The following TMEM132D variants were observed in gnomAD, a reference collection of about 807,000 sequenced individuals.
TMEM132D encodes the protein transmembrane protein 132D.
A neutral mutation model predicts 62.3 loss-of-function variants in TMEM132D; 21 were observed. That is an observed-to-expected ratio of 0.34 (90% confidence interval 0.24 to 0.49). TMEM132D has a LOEUF of 0.49. TMEM132D is among the 20% of genes least tolerant of loss of function. TMEM132D has a pLI of 0.99. For synonymous variants in TMEM132D, 621 were observed against 575.6 expected, an observed-to-expected ratio of 1.08 and a Z score of -1.13; for missense variants, 1,346 against 1,402.8, an observed-to-expected ratio of 0.96 and a Z score of 0.65.
chr12:129,261,990 G>C (rs1254974382), intron 4 of TMEM132D, among the ~76,000 whole-genome samples: 1 of 152,132 alleles, frequency 6.6e-6, no homozygotes, highest in Admixed American at 6.5e-5. Flanking sequence ...TCAGGAGAGA[G>C]GGAGAAATGT....
At chr12:129,575,146 T>A (rs981275842) in intron 2 of TMEM132D, among the ~76,000 whole-genome samples, 3 of 151,862 alleles carry the variant, frequency 2.0e-5, no homozygotes, top group Admixed American at 2.0e-4. Flanking sequence ...AGACCCTTTC[T>A]TATGATTTTC....
chr12:129,293,593 G>A (rs1229517972), intron 4 of TMEM132D, among the ~76,000 whole-genome samples: 4 of 152,096 alleles, frequency 2.6e-5, no homozygotes, highest in Non-Finnish European at 4.4e-5. Context: ...TGGGAGCCCT[G>A]AGCTTGTTTT....
chr12:129,305,378 GAGT>G (rs1439712792), intron 4 of TMEM132D, among the ~76,000 whole-genome samples: 6 of 152,138 alleles, frequency 3.9e-5, no homozygotes, highest in African/African-American at 1.4e-4. Flanking sequence ...GAGTTTCAGG[GAGT>G]CTAAGTGCCA....
chr12:129,273,779 G>A (rs1247130816), intron 4 of TMEM132D, among the ~76,000 whole-genome samples: 1 of 151,694 alleles, frequency 6.6e-6, no homozygotes, highest in East Asian at 1.9e-4. Flanking sequence ...TGGGGAGGTA[G>A]GGAGGAAAAA....
chr12:129,513,804 T>TTTTTATTTATTTA (rs1555262101), intron 3 of TMEM132D, among the ~76,000 whole-genome samples: 1 of 133,992 alleles, frequency 7.5e-6, no homozygotes, highest in African/African-American at 2.8e-5. Context: ...CAATTTTTAT[T>TTTTTATTTATTTA]TTTATTTATT....
In TMEM132D at chr12:129,325,275, G is replaced by T. The variant is rs77587378; in HGVS notation, c.1299+12359C>A. 9.6e-3 allele frequency among the ~76,000 whole-genome samples: 1,464 copies of T among 152,300 alleles called. 13 individuals are homozygous for T. The highest frequency in any genetic ancestry group is 0.016 in the Non-Finnish European group (1,061 of 68,032). ...GCTGGACAGAAACAAGGTTTGTTAG[G>T]TGCAAAGAAATACCATGGAGAAAAG... On this transcript the variant is annotated intron_variant, in intron 4 of 8. Coordinates refer to ENST00000422113, the MANE Select transcript of TMEM132D (RefSeq NM_133448.3).
At chr12:129,308,790 A>G (rs1464164291) in intron 4 of TMEM132D, among the ~76,000 whole-genome samples, 1 of 152,236 alleles carries the variant, frequency 6.6e-6, no homozygotes, top group African/African-American at 2.4e-5. Context: ...TCTTAGATAT[A>G]CACTTATAGA....
chr12:129,666,703 G>T (rs1458652881), intron 2 of TMEM132D, among the ~76,000 whole-genome samples: 2 of 152,142 alleles, frequency 1.3e-5, no homozygotes, highest in Non-Finnish European at 2.9e-5. Flanking sequence ...GATGTCCTAG[G>T]CTCCACCCCA....
chr12:129,525,576 T>G (rs1020362384), intron 3 of TMEM132D, among the ~76,000 whole-genome samples: 1 of 152,150 alleles, frequency 6.6e-6, no homozygotes, highest in African/African-American at 2.4e-5. Context: ...AGAGATGGGT[T>G]TCTTTTAATG....
intron 1 of TMEM132D, among the ~76,000 whole-genome samples, chr12:129,790,987 G>T (rs1159668206): frequency 6.6e-6 from 1 of 152,222 alleles, no homozygotes; most frequent in African/African-American, 2.4e-5. Context: ...GCTGGCAATT[G>T]TCAGAGAGTC....
chr12:129,731,400 G>A (rs1593139279), intron 1 of TMEM132D, among the ~76,000 whole-genome samples: 1 of 151,950 alleles, frequency 6.6e-6, no homozygotes, highest in Admixed American at 6.6e-5. Flanking sequence ...AAGAGGGTAT[G>A]GGGGACAGGG....
At chr12:129,357,124 G>T (rs937009659) in intron 3 of TMEM132D, among the ~76,000 whole-genome samples, 4 of 151,760 alleles carry the variant, frequency 2.6e-5, no homozygotes, top group Non-Finnish European at 5.9e-5. Context: ...GCAGGTGCCT[G>T]TAGTCCCAGC....
intron 4 of TMEM132D, among the ~76,000 whole-genome samples, chr12:129,268,055 A>G (rs1328238527): frequency 1.3e-5 from 2 of 152,218 alleles, no homozygotes; most frequent in African/African-American, 4.8e-5. Context: ...AAAGACTTAC[A>G]TGTTAGACCT....
intron 4 of TMEM132D, among the ~76,000 whole-genome samples, chr12:129,237,387 A>C (rs1879813829): frequency 6.6e-6 from 1 of 152,142 alleles, no homozygotes; most frequent in African/African-American, 2.4e-5. Context: ...ACATGCTGTA[A>C]ATTTCTTTCT....
At chr12:129,216,420 G>T (rs958079943) in intron 4 of TMEM132D, among the ~76,000 whole-genome samples, 1 of 152,190 alleles carries the variant, frequency 6.6e-6, no homozygotes, top group African/African-American at 2.4e-5. Context: ...GATTGTGGGT[G>T]TCCTTACAAG....
intron 3 of TMEM132D, among the ~76,000 whole-genome samples, chr12:129,491,918 GGAAA>G (rs1351824970): frequency 2.0e-5 from 3 of 147,500 alleles, no homozygotes; most frequent in Non-Finnish European, 3.0e-5. Context: ...CTCCAGCCTG[GGAAA>G]GAGAGTGAGA....
chr12:129,784,307 T>C (rs565408375), intron 1 of TMEM132D, among the ~76,000 whole-genome samples: 80 of 152,298 alleles, frequency 5.3e-4, no homozygotes, highest in African/African-American at 1.8e-3. Flanking sequence ...AACTTAATAA[T>C]CAACACAGAA....
In TMEM132D at chr12:129,073,339, A is replaced by T. The variant is rs1288309817; in HGVS notation, c.*536T>A. ...ACAGCTCTGGCCCAGCCTTTGAGAG[A>T]CAATGACTCACAATCATGCCTCCCA... On this transcript the variant is annotated 3_prime_UTR_variant, in exon 9 of 9. Coordinates refer to ENST00000422113, the MANE Select transcript of TMEM132D (RefSeq NM_133448.3). 1 of 152,688 alleles carries T rather than the reference A, an allele frequency of 6.5e-6. No individual in the cohort carries two copies. Among genetic ancestry groups the T allele is most frequent in the South Asian group, 2.1e-4 (1 of 4,824 alleles). The allele number at this position is 152,688 out of a possible 1,614,324, so 9.5% of individuals were successfully genotyped here.
chr12:129,666,393 T>C lies in TMEM132D; in HGVS notation c.968+33417A>G, dbSNP rs545727232. 5.6e-5 allele frequency among the ~76,000 whole-genome samples: 5 copies of C among 89,576 alleles called. No individual in the cohort carries two copies. The South Asian group carries it at 2.3e-3, about 42-fold the overall frequency. The allele number at this position is 89,576 out of a possible 152,430, so 58.8% of individuals were successfully genotyped here. A position where few individuals can be genotyped will look rare whatever the true frequency, so the allele number is the denominator to read the frequency against. On this transcript the variant is annotated intron_variant, in intron 2 of 8. Transcript: ENST00000422113. ...AAATAAGTGCTTAAATCAAGTATTT[T>C]GTCAGAAAAATAGAAACTAATGCCT... is the stretch of plus-strand genomic sequence containing the variant.
Sources: gnomAD v4.1 joint callset for allele counts (sites outside exome capture counted in the v4.1 genomes callset) on GRCh38, gnomAD v4.1.1 for gene constraint, MANE v1.5 for transcripts, NCBI Gene and HGNC (gene_info 2026-07-23, HGNC 2026-07-21) for gene names.